The following ATP2B2 variants were observed in gnomAD, a reference collection of about 807,000 sequenced individuals.
ATP2B2 encodes ATPase plasma membrane Ca2+ transporting 2, also known as plasma membrane calcium-transporting ATPase 2.
In ATP2B2, 15 loss-of-function variants were observed where a neutral mutation model predicts 120.0. The ratio of observed to expected loss-of-function variants is 0.12; its 90% CI spans 0.08 to 0.19. The LOEUF is 0.19. Ranked by LOEUF, ATP2B2 falls within the 10% of genes least tolerant of loss-of-function variation. ATP2B2 has a pLI of 1.00. For missense variants in ATP2B2, 1,045 were observed against 1,719.8 expected (o/e 0.61, Z 6.94); for synonymous variants, 694 against 700.3 (o/e 0.99, Z 0.14).
intron 1 of ATP2B2, among the ~76,000 whole-genome samples, chr3:10,662,146 C>T (rs1024294416): frequency 3.4e-4 from 52 of 151,994 alleles, no homozygotes; most frequent in Non-Finnish European, 1.9e-4. Flanking sequence ...CCATAAAAAC[C>T]CTAGAAGAAA....
At chr3:10,540,704 C>T (rs2067418678) in intron 2 of ATP2B2, among the ~76,000 whole-genome samples, 1 of 117,834 alleles carries the variant, frequency 8.5e-6, no homozygotes, top group East Asian at 2.5e-4. Context: ...GAACATCACA[C>T]ACTGGGGCCT....
intron 1 of ATP2B2, among the ~76,000 whole-genome samples, chr3:10,641,439 G>C (rs1177959994): frequency 6.6e-6 from 1 of 152,132 alleles, no homozygotes; most frequent in Admixed American, 6.5e-5. Flanking sequence ...CGTATATGAG[G>C]GCCCAAGTCC....
chr3:10,669,195 T>G (rs1347863933), intron 1 of ATP2B2, among the ~76,000 whole-genome samples: 3 of 152,154 alleles, frequency 2.0e-5, no homozygotes, highest in Non-Finnish European at 4.4e-5. Flanking sequence ...CAAAGAGGAC[T>G]TGTTGGGACC....
chr3:10,453,190 C>G (rs1322588022), intron 1 of ATP2B2, among the ~76,000 whole-genome samples: 2 of 152,186 alleles, frequency 1.3e-5, no homozygotes, highest in African/African-American at 4.8e-5. Context: ...TCCTTCATCT[C>G]CCAGCTGAAT....
chr3:10,666,143 A>T (rs1023837276), intron 1 of ATP2B2, among the ~76,000 whole-genome samples: 1 of 152,154 alleles, frequency 6.6e-6, no homozygotes, highest in Non-Finnish European at 1.5e-5. Flanking sequence ...CTGGGCACGG[A>T]GTCCCCAAAT....
intron 6 of ATP2B2, among the ~76,000 whole-genome samples, chr3:10,387,486 A>T (rs2124866613): frequency 6.6e-6 from 1 of 152,310 alleles, no homozygotes; most frequent in Non-Finnish European, 1.5e-5. Flanking sequence ...TTGAGGAAGG[A>T]GACAAAAGAC....
At chr3:10,559,996 A>G (rs1232348370) in intron 2 of ATP2B2, among the ~76,000 whole-genome samples, 1 of 152,238 alleles carries the variant, frequency 6.6e-6, no homozygotes, top group African/African-American at 2.4e-5. Context: ...CCAACACGAA[A>G]GATGCTGGCC....
chr3:10,415,923 GT>G (rs1332293305), intron 2 of ATP2B2, among the ~76,000 whole-genome samples: 1 of 152,182 alleles, frequency 6.6e-6, no homozygotes, highest in Non-Finnish European at 1.5e-5. Context: ...GAGGAGCCAG[GT>G]TTTGGTCTTT....
intron 1 of ATP2B2, among the ~76,000 whole-genome samples, chr3:10,484,822 A>T (rs533093113): frequency 1.3e-5 from 2 of 152,360 alleles, no homozygotes; most frequent in South Asian, 4.1e-4. Flanking sequence ...AAGGAGAAGC[A>T]ATGAGTCTGT....
chr3:10,449,461 A>C lies in ATP2B2; in HGVS notation c.83T>G (p.Met28Arg). Residue 28 changes from methionine to arginine, a missense_variant, in exon 2 of 23, where the codon ATG (methionine) becomes AGG (arginine). Met to Arg is a moderately conservative substitution (Grantham distance 91). Around this residue, in one of 11 missense-constraint regions of ATP2B2, gnomAD observed 139 missense variants for 134.2 expected, o/e 1.04. Transcript: ENST00000360273. ...SSHGGEFGCT[M>R]EELRSLMELR... ...CTCCATGAGGGAGCGGAGCTCCTCC[A>C]TTGTGCACCCGAACTCGCCCCCATG... 6.2e-7 allele frequency: 1 copy of C among 1,614,220 alleles called. No homozygotes were observed.
intron 18 of ATP2B2, 46 bp downstream of exon 18, chr3:10,345,338 G>C (rs751831796): frequency 6.2e-7 from 1 of 1,607,836 alleles, no homozygotes; most frequent in East Asian, 2.2e-5. Context: ...TCTGTGGGGG[G>C]TCTCCGCCCT....
At chr3:10,654,459 A>G (rs1034861627) in intron 1 of ATP2B2, among the ~76,000 whole-genome samples, 11 of 152,138 alleles carry the variant, frequency 7.2e-5, no homozygotes, top group African/African-American at 9.7e-5. Context: ...CGAGTGGATG[A>G]GGCGGGAAAT....
At chr3:10,688,935 G>T (rs1308989187) in intron 1 of ATP2B2, among the ~76,000 whole-genome samples, 1 of 152,168 alleles carries the variant, frequency 6.6e-6, no homozygotes, top group Non-Finnish European at 1.5e-5. Context: ...GTGCAGATGT[G>T]GAAACCACCT....
At chr3:10,409,134 A>G (rs1233523333) in intron 3 of ATP2B2, among the ~76,000 whole-genome samples, 1 of 152,028 alleles carries the variant, frequency 6.6e-6, no homozygotes, top group Admixed American at 6.6e-5. Context: ...TTTGTGTTAC[A>G]CTCTTAGCTT....
intron 22 of ATP2B2, among the ~76,000 whole-genome samples, chr3:10,332,919 G>A (rs374495183): frequency 7.9e-5 from 12 of 152,284 alleles, no homozygotes; most frequent in African/African-American, 2.2e-4. Flanking sequence ...CAATAGGGAC[G>A]TGCCATTAAG....
At chr3:10,391,617 T>C (rs1013486154) in intron 5 of ATP2B2, among the ~76,000 whole-genome samples, 5 of 152,142 alleles carry the variant, frequency 3.3e-5, no homozygotes, top group African/African-American at 1.2e-4. Flanking sequence ...TTAGGCATAG[T>C]GCGCTCCCCG....
chr3:10,513,958 G>A (rs934589405), intron 3 of ATP2B2, among the ~76,000 whole-genome samples: 1 of 152,138 alleles, frequency 6.6e-6, no homozygotes, highest in Non-Finnish European at 1.5e-5. Context: ...GGACACGCCC[G>A]CAAATGATAA....
intron 13 of ATP2B2, among the ~76,000 whole-genome samples, chr3:10,359,157 G>A (rs547371171): frequency 6.6e-6 from 1 of 152,304 alleles, no homozygotes; most frequent in Non-Finnish European, 1.5e-5. Flanking sequence ...AGATTCATCT[G>A]AAATAACACT....
intron 3 of ATP2B2, among the ~76,000 whole-genome samples, chr3:10,530,294 C>T (rs1213399224): frequency 1.3e-5 from 2 of 152,186 alleles, no homozygotes; most frequent in Non-Finnish European, 2.9e-5. Flanking sequence ...CCATCGAATC[C>T]TTCCGACATC....
Sources: gnomAD v4.1 joint callset for allele counts (sites outside exome capture counted in the v4.1 genomes callset) on GRCh38, gnomAD v4.1.1 for gene constraint, gnomAD v4.1.1 regional missense constraint, MANE v1.5 for transcripts, NCBI Gene and HGNC (gene_info 2026-07-23, HGNC 2026-07-21) for gene names.